The following ZNF516 variants were observed in gnomAD, a reference collection of about 807,000 sequenced individuals.
ZNF516 encodes zinc finger protein 516.
In ZNF516, 19 loss-of-function variants were observed where a neutral mutation model predicts 79.7. The ratio of observed to expected loss-of-function variants is 0.24; its 90% CI spans 0.17 to 0.35. The LOEUF is 0.35. ZNF516 is among the 10% of genes least tolerant of loss of function. The probability of loss-of-function intolerance (pLI) is 1.00; values close to 1 mark genes in which losing one functional copy is unlikely to be tolerated. For missense variants in ZNF516, 1,678 were observed against 1,679.5 expected (o/e 1.00, Z 0.02); for synonymous variants, 877 against 739.5 (o/e 1.19, Z -3.02).
At chr18:76,446,834 G>C (rs768231173) in intron 2 of ZNF516, among the ~76,000 whole-genome samples, 8 of 152,154 alleles carry the variant, frequency 5.3e-5, no homozygotes, top group Non-Finnish European at 1.2e-4. Context: ...TGTGAGAACT[G>C]CACAGGATGT....
intron 3 of ZNF516, among the ~76,000 whole-genome samples, chr18:76,382,377 C>T (rs1441857072): frequency 1.3e-5 from 2 of 152,144 alleles, no homozygotes; most frequent in Non-Finnish European, 2.9e-5. Flanking sequence ...AGGCAACATC[C>T]AGCAGGGAGA....
chr18:76,450,879 A>T (rs1247435405), intron 2 of ZNF516, among the ~76,000 whole-genome samples: 2 of 152,206 alleles, frequency 1.3e-5, no homozygotes, highest in African/African-American at 4.8e-5. Context: ...AGTACAAAAC[A>T]AAAGCTGAAT....
Position 76,442,533 on chromosome 18 carries a change from G to C in ZNF516, c.522C>G (p.Val174=), listed in dbSNP as rs536856330. The C allele has an allele frequency of 3.8e-6, 6 of 1,599,920 alleles. No homozygotes were observed. Among genetic ancestry groups the C allele is most frequent in the African/African-American group, 1.3e-5 (1 of 74,914 alleles). Residue 174 remains valine (V), a synonymous_variant, in exon 3 of 7, where the codon GTC becomes GTG. Coordinates refer to ENST00000443185, the MANE Select transcript of ZNF516 (RefSeq NM_014643.4). ...ACAPGEAKAA[V]QCSFCKSQFE... ...ACTGGCTCTTGCAGAAGGAGCACTGGACCGCTGCCTTGGCCTCCCCCGGGG... is the reference window on the plus strand; with the variant it reads ...ACTGGCTCTTGCAGAAGGAGCACTGCACCGCTGCCTTGGCCTCCCCCGGGG...
At chr18:76,445,680 A>G (rs1245030375) in intron 2 of ZNF516, among the ~76,000 whole-genome samples, 3 of 152,218 alleles carry the variant, frequency 2.0e-5, no homozygotes, top group Admixed American at 1.3e-4. Flanking sequence ...TGGACCTCCA[A>G]CGTTTGTCTA....
chr18:76,407,588 T>C (rs938755536), intron 3 of ZNF516, among the ~76,000 whole-genome samples: 2 of 152,292 alleles, frequency 1.3e-5, no homozygotes, highest in East Asian at 3.9e-4. Context: ...ACACAAGCCA[T>C]GCCAATCCAC....
chr18:76,460,984 C>G (rs890868621), intron 2 of ZNF516, among the ~76,000 whole-genome samples: 2 of 152,114 alleles, frequency 1.3e-5, no homozygotes, highest in African/African-American at 4.8e-5. Context: ...GGGAGACCAG[C>G]CTGGCCAACA....
chr18:76,370,759 G>T lies in ZNF516; in HGVS notation c.3365-164C>A, dbSNP rs529068507. 2.0e-5 allele frequency among the ~76,000 whole-genome samples: 3 copies of T among 152,370 alleles called. No individual in the cohort carries two copies. In the South Asian group the frequency reaches 6.2e-4, roughly 32 times the overall value. On this transcript the variant is annotated intron_variant, in intron 5 of 6. Coordinates refer to ENST00000443185, the MANE Select transcript of ZNF516 (RefSeq NM_014643.4). ...CGTAACACTTACAGTAAGAGACTGT[G>T]ATAATGGCTGCCTGGGGCCACTGCC...
intron 3 of ZNF516, among the ~76,000 whole-genome samples, chr18:76,436,149 G>A (rs1407987176): frequency 3.9e-5 from 6 of 152,220 alleles, no homozygotes; most frequent in African/African-American, 2.4e-5. Flanking sequence ...GATACTAAGG[G>A]GGGCTGGCCT....
At chr18:76,473,060 A>G (rs1290161046) in intron 1 of ZNF516, among the ~76,000 whole-genome samples, 2 of 152,222 alleles carry the variant, frequency 1.3e-5, no homozygotes, top group East Asian at 3.8e-4. Flanking sequence ...TGATGTTGAT[A>G]CATTAATACA....
chr18:76,438,229 C>T (rs1349421887), intron 3 of ZNF516, among the ~76,000 whole-genome samples: 2 of 152,228 alleles, frequency 1.3e-5, no homozygotes, highest in Non-Finnish European at 2.9e-5. Flanking sequence ...TTCTGTTATT[C>T]CTAAGTCGCC....
intron 3 of ZNF516, among the ~76,000 whole-genome samples, chr18:76,412,002 C>A (rs764356183): frequency 1.3e-5 from 2 of 152,170 alleles, no homozygotes; most frequent in African/African-American, 4.8e-5. Flanking sequence ...CCGAGATGAT[C>A]CCAGATCATA....
At chr18:76,397,730 TG>T (rs1432649335) in intron 3 of ZNF516, among the ~76,000 whole-genome samples, 1 of 152,206 alleles carries the variant, frequency 6.6e-6, no homozygotes, top group East Asian at 1.9e-4. Context: ...CCTGAGTAGC[TG>T]GCTCTACAGG....
intron 2 of ZNF516, among the ~76,000 whole-genome samples, chr18:76,445,999 G>T (rs542791401): frequency 6.6e-6 from 1 of 152,072 alleles, no homozygotes; most frequent in South Asian, 2.1e-4. Flanking sequence ...ACCCGTCAGC[G>T]TGCAGGTCAC....
In ZNF516 at chr18:76,379,950, C is replaced by T; in HGVS notation, c.2164G>A (p.Gly722Arg). Reference protein sequence around the residue: ...DLHNKEHSGGGKRALAPDLMP... With the variant: ...DLHNKEHSGGRKRALAPDLMP... ...AGGTCTGGGGCCAGCGCCCGCTTCCCTCCCCCAGAGTGTTCCTTGTTGTGC... is the reference window on the plus strand; with the variant it reads ...AGGTCTGGGGCCAGCGCCCGCTTCCTTCCCCCAGAGTGTTCCTTGTTGTGC... The change falls in exon 4 of 7, where the codon GGG (glycine) becomes AGG (arginine). Residue 722 changes from glycine (G) to arginine (R), a missense_variant. Transcript: ENST00000443185. 8 of 1,614,012 alleles carry T rather than the reference C, an allele frequency of 5.0e-6. No homozygotes were observed. Among genetic ancestry groups the T allele is most frequent in the Non-Finnish European group, 6.8e-6 (8 of 1,179,898 alleles).
At chr18:76,476,265 C>T (rs569454975) in intron 1 of ZNF516, among the ~76,000 whole-genome samples, 2 of 152,284 alleles carry the variant, frequency 1.3e-5, no homozygotes, top group East Asian at 3.9e-4. Context: ...AAGAAAGGTG[C>T]TAAATGTTCA....
At chr18:76,405,807 G>A (rs1371682851) in intron 3 of ZNF516, among the ~76,000 whole-genome samples, 1 of 152,006 alleles carries the variant, frequency 6.6e-6, no homozygotes, top group Non-Finnish European at 1.5e-5. Flanking sequence ...GATGACGGCT[G>A]CCCCTCCCCA....
chr18:76,487,988 G>A, intron 1 of ZNF516: 1 of 985,368 alleles, frequency 1.0e-6, no homozygotes, highest in Non-Finnish European at 1.2e-6. Flanking sequence ...AGCCCAAGGG[G>A]AACCTAACCA....
At position 76,441,227 on chromosome 18, in the gene ZNF516, C is replaced by A; in HGVS notation, c.1810+18G>T. The A allele has an allele frequency of 6.2e-7, 1 of 1,603,706 alleles. No homozygotes were observed. Among genetic ancestry groups the A allele is most frequent in the Non-Finnish European group, 8.5e-7 (1 of 1,176,098 alleles). ...CCTGGGATCCCAGGACCCAGGCCACCTGGGTACACTTGCTCACCTGGTGCA... is the reference window on the plus strand; with the variant it reads ...CCTGGGATCCCAGGACCCAGGCCACATGGGTACACTTGCTCACCTGGTGCA... On this transcript the variant is annotated intron_variant, in intron 3 of 6. Coordinates refer to ENST00000443185, the MANE Select transcript of ZNF516 (RefSeq NM_014643.4).
rs1417879018 is a variant in ZNF516 at position 76,361,062 on chromosome 18, G to A, written c.*1436C>T. The stretch of plus-strand genomic sequence containing the variant: ...TTTGAAAAATATATTTAGCATGCTC[G>A]TTTTAATCCATTTCCTGCCTTTACA... On this transcript the variant is annotated 3_prime_UTR_variant, in exon 7 of 7. Coordinates refer to ENST00000443185, the MANE Select transcript of ZNF516 (RefSeq NM_014643.4). The A allele has an allele frequency of 3.3e-5, 5 of 151,678 alleles. No individual in the cohort carries two copies. The highest frequency in any genetic ancestry group is 9.7e-5 in the African/African-American group (4 of 41,246). 9.4% of individuals were successfully genotyped at this position (151,678 alleles called of 1,614,324 possible). A position where few individuals can be genotyped will look rare whatever the true frequency, so the allele number is the denominator to read the frequency against.
Sources: allele counts gnomAD v4.1 joint callset (sites outside exome capture counted in the v4.1 genomes callset), GRCh38; gene constraint gnomAD v4.1.1; transcripts MANE v1.5; gene names NCBI Gene and HGNC (gene_info 2026-07-23, HGNC 2026-07-21).